Variants in LPA observed in about 807,000 individuals in gnomAD.
LPA encodes the protein lipoprotein(a).
LPA carries 199 observed loss-of-function variants against 197.9 expected under a neutral mutation model. That is an observed-to-expected ratio of 1.01 (90% CI 0.90 to 1.13). The LOEUF is 1.13. LPA is among the 50% of genes most tolerant of loss of function. The pLI is 0.00. For synonymous variants in LPA, 715 were observed against 639.5 expected (o/e 1.12, Z -1.78); for missense variants, 1,853 against 1,785.8 (o/e 1.04, Z -0.68).
intron 18 of LPA, among the ~76,000 whole-genome samples, chr6:160,602,441 A>T (rs1034026790): frequency 2.6e-5 from 4 of 152,176 alleles, no homozygotes; most frequent in African/African-American, 9.7e-5. Flanking sequence ...ATATGTTCAA[A>T]TTTTTACCTC....
rs770246075 is a variant in LPA at position 160,594,015 on chromosome 6, G to A, written c.3572C>T (p.Ser1191Phe). 5 of 1,614,016 alleles carry A rather than the reference G, an allele frequency of 3.1e-6. No homozygotes were observed. Among genetic ancestry groups the A allele is most frequent in the Middle Eastern group, 1.7e-4 (1 of 6,060 alleles). ...CCAGTGTGGTGTCATAGAGGACCAA[G>A]ACTGACATGTCCTTCCTGTGACAGT... ...STTVTGRTCQ[S>F]WSSMTPHWHQ... The change falls in exon 22 of 39, where the codon TCT becomes TTT. Residue 1191 changes from serine to phenylalanine, a missense_variant. Physicochemically the swap from Ser to Phe is radical, Grantham distance 155. Transcript: ENST00000316300.
chr6:160,541,220 T>C, intron 34 of LPA, 39 bp from the exon 35 acceptor site: 1 of 1,396,932 alleles, frequency 7.2e-7, no homozygotes, highest in East Asian at 2.3e-5. Flanking sequence ...TCAAATTGGA[T>C]GGTTTGTTCT....
chr6:160,607,268 G>T (rs1423444141), intron 16 of LPA, among the ~76,000 whole-genome samples: 1 of 152,066 alleles, frequency 6.6e-6, no homozygotes, highest in Non-Finnish European at 1.5e-5. Context: ...TATCATGTGG[G>T]TCAAATAGGT....
At chr6:160,646,582 A>C (rs1779883257) in intron 2 of LPA, among the ~76,000 whole-genome samples, 187 bp from the exon 3 acceptor site, 1 of 56,600 alleles carries the variant, frequency 1.8e-5, no homozygotes, top group Non-Finnish European at 3.6e-5. Context: ...CATCTCTCAT[A>C]CTTAATAGAT....
chr6:160,576,340 GTA>G (rs71542980), intron 28 of LPA, among the ~76,000 whole-genome samples: 14,601 of 37,242 alleles, frequency 0.39, 1,050 homozygotes, highest in East Asian at 0.46. Context: ...GTGTGTGTGT[GTA>G]TATATATATA....
chr6:160,605,228 C>A, intron 17 of LPA, 23 bp from the exon 18 acceptor site: 43 of 1,611,816 alleles, frequency 2.7e-5, no homozygotes, highest in Non-Finnish European at 3.6e-5. Flanking sequence ...GAAAAGAAAT[C>A]AAACTGAGTG....
chr6:160,576,688 G>A (rs74598183), intron 28 of LPA, among the ~76,000 whole-genome samples: 3,878 of 57,522 alleles, frequency 0.067, 193 homozygotes, highest in African/African-American at 0.2. Context: ...GTGTGTGTGT[G>A]TGTATATATA....
rs746733669 is a variant in LPA at position 160,611,662 on chromosome 6, G to T, written c.2503C>A (p.Arg835=). 7 of 1,562,172 alleles carry T rather than the reference G, an allele frequency of 4.5e-6. No individual in the cohort carries two copies. The African/African-American group carries it at 5.6e-5, about 13-fold the overall frequency. Residue 835 remains arginine (R), a synonymous_variant, in exon 16 of 39, where the codon CGA becomes AGA. Transcript: ENST00000316300. ...GTGACAGTGGTGGAGTATGTGCCTC[G>T]ATAACTCTGTCCATTACCGTGGTAG... The part of the protein sequence containing the change: ...ECYHGNGQSY[R]GTYSTTVTGR...
rs899284983 is a variant in LPA, at chr6:160,611,479, G to A, written c.2603+83C>T. On this transcript the variant is annotated intron_variant, in intron 16 of 38. Coordinates refer to ENST00000316300, the MANE Select transcript of LPA (RefSeq NM_005577.4). Reference sequence around the variant, plus strand: ...CTGAATCTGACACAAGTTGAGTTCGGAGAACTCAGCTTGAAGCATGTCTCT... The same window carrying A: ...CTGAATCTGACACAAGTTGAGTTCGAAGAACTCAGCTTGAAGCATGTCTCT... 6.2e-5 allele frequency: 97 copies of A among 1,574,866 alleles called. 2 individuals are homozygous for A. Among genetic ancestry groups the A allele is most frequent in the African/African-American group, 4.1e-4 (30 of 74,062 alleles).
intron 28 of LPA, among the ~76,000 whole-genome samples, chr6:160,568,136 T>G (rs1432571631): frequency 2.0e-5 from 3 of 152,208 alleles, no homozygotes; most frequent in Non-Finnish European, 2.9e-5. Context: ...CTAACTCATT[T>G]TATGAGGCCA....
chr6:160,576,599 G>A (rs967402317), intron 28 of LPA, among the ~76,000 whole-genome samples: 6 of 140,350 alleles, frequency 4.3e-5, no homozygotes, highest in Admixed American at 3.7e-4. Flanking sequence ...ATAAATTTAT[G>A]CAAAAATTTA....
chr6:160,584,727 C>T (rs1778874770), intron 26 of LPA, among the ~76,000 whole-genome samples: 1 of 152,168 alleles, frequency 6.6e-6, no homozygotes, highest in Non-Finnish European at 1.5e-5. Flanking sequence ...GGTTGAAAGA[C>T]TGCATGGACC....
intron 24 of LPA, among the ~76,000 whole-genome samples, chr6:160,587,751 T>TGTGTG (rs1778938496): frequency 8.0e-6 from 1 of 125,382 alleles, no homozygotes; most frequent in Non-Finnish European, 1.7e-5. Flanking sequence ...GGTTCAGTCT[T>TGTGTG]TGTGTGTGTG....
At position 160,586,639 on chromosome 6, in the gene LPA, TC is replaced by T. The variant is rs778635560; in HGVS notation, c.3948-10del. On this transcript the variant is annotated splice_polypyrimidine_tract_variant and intron_variant, in intron 24 of 38. Coordinates refer to ENST00000316300, the MANE Select transcript of LPA (RefSeq NM_005577.4). ...AGTTCCTGGTCAGGCCACTGCAAATTCCAAAACAATACAGGTCACCAGAGAT... is the reference window on the plus strand; with the variant it reads ...AGTTCCTGGTCAGGCCACTGCAAATTCAAAACAATACAGGTCACCAGAGAT... 1.2e-6 allele frequency: 2 copies of T among 1,613,466 alleles called. No homozygotes were observed.
intron 28 of LPA, among the ~76,000 whole-genome samples, chr6:160,560,809 C>T (rs1356854513): frequency 6.6e-6 from 1 of 152,100 alleles, no homozygotes; most frequent in African/African-American, 2.4e-5. Context: ...TAAATTTTGG[C>T]TTTTGTTGCC....
intron 37 of LPA, among the ~76,000 whole-genome samples, chr6:160,536,553 G>T (rs113757744): frequency 1.2e-4 from 18 of 152,262 alleles, no homozygotes; most frequent in Admixed American, 4.6e-4. Context: ...AGGAGCCAGG[G>T]TTCCAATTCA....
intron 18 of LPA, among the ~76,000 whole-genome samples, chr6:160,601,838 G>A (rs1198393023): frequency 6.6e-6 from 1 of 152,140 alleles, no homozygotes; most frequent in Non-Finnish European, 1.5e-5. Context: ...ATCCTCTGCT[G>A]GCCACAGCAA....
chr6:160,654,693 T>C lies in LPA; in HGVS notation c.50-4196A>G, dbSNP rs41269868. ...AAGGTTAACAATATTTAAATGCTGA[T>C]ATGAACAACACTTAAATGCTTAAAT... is the stretch of plus-strand genomic sequence containing the variant. On this transcript the variant is annotated intron_variant, in intron 1 of 38. Coordinates refer to ENST00000316300, the MANE Select transcript of LPA (RefSeq NM_005577.4). Among the ~76,000 whole-genome samples the C allele has an allele frequency of 4.9e-3, 741 of 152,288 alleles. 8 individuals carry two copies. Among genetic ancestry groups the C allele is most frequent in the African/African-American group, 0.017 (705 of 41,570 alleles).
intron 1 of LPA, among the ~76,000 whole-genome samples, chr6:160,654,042 TAATATATAATATATTATA>T (rs1412745887): frequency 0.48 from 11,958 of 24,790 alleles, 3,502 homozygotes; most frequent in Non-Finnish European, 0.53. Context: ...ATATTATATA[TAATATATAATATATTATA>T]TATATTATAT....
Sources: gnomAD v4.1 joint callset for allele counts (sites outside exome capture counted in the v4.1 genomes callset) on GRCh38, gnomAD v4.1.1 for gene constraint, MANE v1.5 for transcripts, NCBI Gene and HGNC (gene_info 2026-07-23, HGNC 2026-07-21) for gene names.